The following VRK2 variants were observed in gnomAD, a reference collection of about 807,000 sequenced individuals.
VRK2 encodes the protein serine/threonine-protein kinase VRK2.
A neutral mutation model predicts 57.6 loss-of-function variants in VRK2; 60 were observed. The observed-to-expected ratio is 1.04, with a 90% CI of 0.85 to 1.29. VRK2 has a LOEUF of 1.29. Ranked by LOEUF, VRK2 falls within the 50% of genes most tolerant of loss-of-function variation. The pLI, the probability that VRK2 is intolerant of heterozygous loss-of-function variation, is 0.00. For synonymous variants in VRK2, 231 were observed against 199.2 expected (o/e 1.16, Z -1.35); for missense variants, 705 against 588.1 (o/e 1.20, Z -2.06).
chr2:58,110,375 TAAC>T (rs746452538), intron 7 of VRK2, among the ~76,000 whole-genome samples: 51 of 152,282 alleles, frequency 3.3e-4, no homozygotes, highest in Admixed American at 2.5e-3. Context: ...GCAAAAATCT[TAAC>T]AATAAATCAA....
In VRK2 at chr2:58,093,871, C is replaced by T. The variant is rs374173775; in HGVS notation, c.543+4148C>T. 1.3e-4 allele frequency among the ~76,000 whole-genome samples: 20 copies of T among 152,160 alleles called. 2 individuals are homozygous for T. The highest frequency in any genetic ancestry group is 1.2e-3 in the Admixed American group (19 of 15,282). The stretch of plus-strand genomic sequence containing the variant: ...GTGTAAGGAAGGGATCCAGTTTCAG[C>T]TTCCTACATATGGCTAGCCAGTTTT... On this transcript the variant is annotated intron_variant, in intron 7 of 12. Transcript: ENST00000340157.
chr2:58,137,126 TATATATC>T (rs1353284442), intron 10 of VRK2, among the ~76,000 whole-genome samples: 4 of 66,960 alleles, frequency 6.0e-5, no homozygotes, highest in South Asian at 5.7e-4. Flanking sequence ...CATATATGTG[TATATATC>T]ATATATCATA....
intron 1 of VRK2, among the ~76,000 whole-genome samples, chr2:58,010,491 T>C (rs751134246): frequency 3.3e-5 from 5 of 152,142 alleles, no homozygotes; most frequent in African/African-American, 4.8e-5. Context: ...GTTTACGTAC[T>C]GTGAATTTCA....
chr2:57,918,241 C>A (rs1241411430), intron 1 of VRK2, among the ~76,000 whole-genome samples: 2 of 152,034 alleles, frequency 1.3e-5, no homozygotes, highest in Non-Finnish European at 2.9e-5. Context: ...TTTCCATATC[C>A]TTGGCTCTCA....
intron 11 of VRK2, among the ~76,000 whole-genome samples, chr2:58,140,588 T>G (rs1481433432): frequency 4.6e-5 from 7 of 151,994 alleles, no homozygotes; most frequent in South Asian, 2.1e-4. Context: ...ATATTTCTTA[T>G]GAACTTTGGA....
intron 7 of VRK2, among the ~76,000 whole-genome samples, chr2:58,107,151 AT>A (rs34426418): frequency 0.077 from 11,677 of 152,136 alleles, 480 homozygotes; most frequent in South Asian, 0.13. Context: ...TTTTTGCCTT[AT>A]GGTATCTTGT....
intron 8 of VRK2, 63 bp from the exon 9 acceptor site, chr2:58,131,745 A>G (rs1679219126): frequency 2.0e-6 from 3 of 1,490,522 alleles, no homozygotes; most frequent in Non-Finnish European, 2.7e-6. Flanking sequence ...TCAACCAAAG[A>G]TTTCTCCATT....
chr2:57,953,408 T>C (rs1671488223), intron 1 of VRK2, among the ~76,000 whole-genome samples: 1 of 152,180 alleles, frequency 6.6e-6, no homozygotes, highest in African/African-American at 2.4e-5. Flanking sequence ...TGATAGGGCA[T>C]TTTTCTTTTG....
At chr2:57,942,936 T>C (rs1376351496) in intron 1 of VRK2, among the ~76,000 whole-genome samples, 1 of 152,066 alleles carries the variant, frequency 6.6e-6, no homozygotes, top group Non-Finnish European at 1.5e-5. Context: ...TGCCTTAGGA[T>C]TTTTTCTCTC....
intron 9 of VRK2, among the ~76,000 whole-genome samples, chr2:58,134,860 T>C (rs1288199917): frequency 1.3e-5 from 2 of 152,212 alleles, no homozygotes; most frequent in South Asian, 2.1e-4. Flanking sequence ...TCTTTTGTTA[T>C]AGGAATGTTG....
chr2:57,997,124 T>C (rs78704162), intron 1 of VRK2, among the ~76,000 whole-genome samples: 5,148 of 152,126 alleles, frequency 0.034, 146 homozygotes, highest in South Asian at 0.1. Flanking sequence ...TTTTGAGTCA[T>C]TGATGGAAAG....
At chr2:57,952,721 TC>T (rs919133375) in intron 1 of VRK2, among the ~76,000 whole-genome samples, 111 of 151,406 alleles carry the variant, frequency 7.3e-4, no homozygotes, top group African/African-American at 2.5e-3. Flanking sequence ...GCAGGTGTTA[TC>T]TTTACTACAG....
At chr2:58,118,057 T>C (rs1250659768) in intron 7 of VRK2, among the ~76,000 whole-genome samples, 1 of 151,894 alleles carries the variant, frequency 6.6e-6, no homozygotes, top group Non-Finnish European at 1.5e-5. Context: ...TGGGACTTGC[T>C]GCTAAGGGTG....
intron 11 of VRK2, among the ~76,000 whole-genome samples, chr2:58,144,494 A>G (rs897906289): frequency 6.6e-6 from 1 of 151,954 alleles, no homozygotes; most frequent in Non-Finnish European, 1.5e-5. Context: ...ATCACATTGT[A>G]TACCTTATAT....
At position 58,102,851 on chromosome 2, in the gene VRK2, A is replaced by G. The variant is rs1017026846; in HGVS notation, c.543+13128A>G. On this transcript the variant is annotated intron_variant, in intron 7 of 12. Coordinates refer to ENST00000340157, the MANE Select transcript of VRK2 (RefSeq NM_006296.7). Reference sequence around the variant, plus strand: ...ATGTTAGGCCACAAAACTAGCCTCAATACATTTTAAAAAATCAAAATCATA... The same window carrying G: ...ATGTTAGGCCACAAAACTAGCCTCAGTACATTTTAAAAAATCAAAATCATA... Among the ~76,000 whole-genome samples the G allele has an allele frequency of 6.6e-5, 10 of 151,728 alleles. No homozygotes were observed. The South Asian group carries it at 1.4e-3, about 22-fold the overall frequency.
At chr2:57,910,516 T>G (rs1032550324) in intron 1 of VRK2, among the ~76,000 whole-genome samples, 4 of 152,228 alleles carry the variant, frequency 2.6e-5, no homozygotes, top group Non-Finnish European at 5.9e-5. Flanking sequence ...AAGCCTGTAA[T>G]ATTTGCCATC....
intron 2 of VRK2, among the ~76,000 whole-genome samples, chr2:58,058,947 A>G (rs1338748406): frequency 6.6e-6 from 1 of 152,096 alleles, no homozygotes; most frequent in African/African-American, 2.4e-5. Context: ...AAATAGTGAC[A>G]AGTGGCATGC....
intron 2 of VRK2, among the ~76,000 whole-genome samples, chr2:58,073,446 T>G (rs1378417234): frequency 6.6e-6 from 1 of 151,900 alleles, no homozygotes; most frequent in Non-Finnish European, 1.5e-5. Context: ...TGTTTTTCCT[T>G]CCAGTTCTCT....
Position 58,084,085 on chromosome 2 carries a change from G to C in VRK2, c.137-4G>C. On this transcript the variant is annotated splice_polypyrimidine_tract_variant and splice_region_variant and intron_variant, in intron 2 of 12. Transcript: ENST00000340157. ...TCTCCATTGTGTGTTTTTTTTGTCT[G>C]CAGCTTTCCCCACAAATAAACCAGA... The C allele has an allele frequency of 6.2e-7, 1 of 1,603,262 alleles. No individual in the cohort carries two copies. The highest frequency in any genetic ancestry group is 2.2e-5 in the East Asian group (1 of 44,586).
Sources: allele counts gnomAD v4.1 joint callset (sites outside exome capture counted in the v4.1 genomes callset), GRCh38; gene constraint gnomAD v4.1.1; transcripts MANE v1.5; gene names NCBI Gene and HGNC (gene_info 2026-07-23, HGNC 2026-07-21).